The following VAC14 variants were observed in gnomAD, a reference collection of about 807,000 sequenced individuals.
VAC14 encodes the protein protein VAC14 homolog.
In VAC14, 47 loss-of-function variants were observed where a neutral mutation model predicts 85.3. That is an observed-to-expected ratio of 0.55 (90% CI 0.44 to 0.70). VAC14 has a LOEUF of 0.70. VAC14 is among the 30% of genes least tolerant of loss of function. VAC14 has a pLI of 0.00. For missense variants in VAC14, 861 were observed against 1,004.3 expected, an observed-to-expected ratio of 0.86 and a Z score of 1.93; for synonymous variants, 447 against 430.5, an observed-to-expected ratio of 1.04 and a Z score of -0.47.
At chr16:70,791,118 T>C (rs2034318057) in intron 1 of VAC14, among the ~76,000 whole-genome samples, 1 of 152,136 alleles carries the variant, frequency 6.6e-6, no homozygotes, top group African/African-American at 2.4e-5. Flanking sequence ...AGGCTTCTAC[T>C]CCAGCCAGGC....
chr16:70,720,100 G>A (rs939872969), intron 14 of VAC14, among the ~76,000 whole-genome samples: 2 of 152,208 alleles, frequency 1.3e-5, no homozygotes, highest in Admixed American at 6.5e-5. Context: ...AGCACCAGCT[G>A]TACGGTTCCA....
rs1443793946 is a variant in VAC14, at chr16:70,762,518, A to C, written c.1371+22T>G. 3 of 1,612,758 alleles carry C rather than the reference A, an allele frequency of 1.9e-6. No homozygotes were observed. In the African/African-American group the frequency reaches 4.0e-5, roughly 22 times the overall value. The stretch of plus-strand genomic sequence containing the variant: ...GCAGGGCAGCCGATGTTCCATAAGT[A>C]CGGGTGGCGTTGGTGACCTACCTCA... On this transcript the variant is annotated intron_variant, in intron 12 of 18. Transcript: ENST00000261776. This position sits in a 1 kb window ranked among gnomAD's most constrained non-coding sequence, Gnocchi z 4.1.
intron 12 of VAC14, among the ~76,000 whole-genome samples, chr16:70,749,302 C>T (rs2143016594): frequency 6.6e-6 from 1 of 152,374 alleles, no homozygotes; most frequent in East Asian, 1.9e-4. Context: ...TACTGCCTCC[C>T]ACCCCACTGC....
chr16:70,784,097 T>G lies in VAC14; in HGVS notation c.594+16A>C. The G allele has an allele frequency of 6.2e-7, 1 of 1,609,880 alleles. No individual in the cohort carries two copies. The highest frequency in any genetic ancestry group is 8.5e-7 in the Non-Finnish European group (1 of 1,176,178). On this transcript the variant is annotated intron_variant, in intron 5 of 18. Transcript: ENST00000261776. ...CAAACTGGAGGCTGGAGAAACGGTG[T>G]CCGGCCAGGCCTTACCCAGGAGATG...
intron 14 of VAC14, among the ~76,000 whole-genome samples, chr16:70,719,174 T>C (rs1823291077): frequency 6.6e-6 from 1 of 152,324 alleles, no homozygotes; most frequent in East Asian, 1.9e-4. Flanking sequence ...CTGGACTAGC[T>C]GGTTTCCAAG....
At chr16:70,715,586 C>T (rs905857978) in intron 14 of VAC14, 3 of 152,302 alleles carry the variant, frequency 2.0e-5, no homozygotes, top group Admixed American at 6.5e-5. Flanking sequence ...CTCTTGCTCC[C>T]GGCGGTTCCA....
intron 14 of VAC14, among the ~76,000 whole-genome samples, chr16:70,707,581 G>GA (rs1262540433): frequency 1.3e-5 from 2 of 152,056 alleles, no homozygotes; most frequent in African/African-American, 4.8e-5. Context: ...CACAGAAAAC[G>GA]AAACAGTCTC....
intron 16 of VAC14, among the ~76,000 whole-genome samples, chr16:70,696,461 C>T (rs544821925): frequency 6.3e-4 from 96 of 152,286 alleles, no homozygotes; most frequent in African/African-American, 2.3e-3. Flanking sequence ...TGCAATGGGC[C>T]AAGATCGCCC....
intron 12 of VAC14, among the ~76,000 whole-genome samples, chr16:70,748,099 AC>A (rs2143015457): frequency 6.6e-6 from 1 of 151,912 alleles, no homozygotes; most frequent in South Asian, 2.1e-4. Context: ...GCTCAAGGTA[AC>A]AGCGAGTCCA....
At chr16:70,754,759 T>G (rs765234260) in intron 12 of VAC14, among the ~76,000 whole-genome samples, 2 of 152,178 alleles carry the variant, frequency 1.3e-5, no homozygotes, top group Non-Finnish European at 2.9e-5. Flanking sequence ...CGTATCTTAC[T>G]GCGTGATCTG....
At chr16:70,745,698 C>G (rs151310447) in intron 12 of VAC14, among the ~76,000 whole-genome samples, 33 of 152,320 alleles carry the variant, frequency 2.2e-4, no homozygotes, top group South Asian at 4.1e-4. Context: ...GCCTGTCCCC[C>G]CAAAAGGTGT....
chr16:70,696,763 A>T, intron 16 of VAC14: 1 of 245,632 alleles, frequency 4.1e-6, no homozygotes, highest in Non-Finnish European at 8.1e-6. Flanking sequence ...GCCCAGGAGG[A>T]ACTACAATGA....
intron 14 of VAC14, among the ~76,000 whole-genome samples, chr16:70,724,716 G>A (rs1056428422): frequency 2.6e-5 from 4 of 152,196 alleles, no homozygotes; most frequent in African/African-American, 9.7e-5. Flanking sequence ...GGCGGGGAAC[G>A]GCTGTGGAAA....
intron 13 of VAC14, among the ~76,000 whole-genome samples, chr16:70,739,252 C>T (rs1300003911): frequency 6.6e-6 from 1 of 152,188 alleles, no homozygotes; most frequent in Non-Finnish European, 1.5e-5. Flanking sequence ...ATCCCTCTGA[C>T]CCCAGTGCTC....
intron 14 of VAC14, chr16:70,716,277 G>A (rs1323612317): frequency 1.3e-5 from 2 of 152,248 alleles, no homozygotes; most frequent in Non-Finnish European, 2.9e-5. Context: ...GCCACAGCTG[G>A]CATGGGGCCT....
chr16:70,770,981 G>A (rs1285402710), intron 10 of VAC14: 3 of 152,170 alleles, frequency 2.0e-5, no homozygotes, highest in African/African-American at 7.2e-5. Context: ...AGAGCCTCTT[G>A]GGGTAGAGTG....
chr16:70,765,464 C>G (rs963935644), intron 10 of VAC14, among the ~76,000 whole-genome samples: 1 of 152,188 alleles, frequency 6.6e-6, no homozygotes, highest in African/African-American at 2.4e-5. Flanking sequence ...CTCTCCTGGG[C>G]GCTTTCCTAC....
Position 70,785,797 on chromosome 16 carries a change from G to T in VAC14, c.328C>A (p.Arg110Ser). The change falls in exon 3 of 19, where the codon CGC becomes AGC. Residue 110 changes from arginine (R) to serine (S), a missense_variant. Arg to Ser is a moderately radical substitution (Grantham distance 110). Around this residue, in one of 3 missense-constraint regions of VAC14, gnomAD observed 629 missense variants for 703.1 expected, o/e 0.89. Coordinates refer to ENST00000261776, the MANE Select transcript of VAC14 (RefSeq NM_018052.5). ...TAGAGGGCCTCGCAGGCATAGTAGC[G>T]CAGCCTGCTGTCTGCATCATTGAAG... ...TCFNDADSRL[R>S]YYACEALYNI... The T allele has an allele frequency of 1.3e-6, 2 of 1,596,894 alleles. No homozygotes were observed. Among genetic ancestry groups the T allele is most frequent in the Non-Finnish European group, 1.7e-6 (2 of 1,170,452 alleles).
chr16:70,766,452 G>A (rs758151875), intron 10 of VAC14: 3 of 456,638 alleles, frequency 6.6e-6, no homozygotes, highest in Admixed American at 2.3e-5. Context: ...GCAAACACCT[G>A]AACACAGCGA....
Sources: allele counts gnomAD v4.1 joint callset (sites outside exome capture counted in the v4.1 genomes callset), GRCh38; gene constraint gnomAD v4.1.1; regional missense constraint gnomAD v4.1.1; non-coding constraint Gnocchi (gnomAD v3.1); transcripts MANE v1.5; gene names NCBI Gene and HGNC (gene_info 2026-07-23, HGNC 2026-07-21).